Variants in TMEM132D observed in about 807,000 individuals in gnomAD.
The protein encoded by TMEM132D is transmembrane protein 132D.
Under a neutral mutation model 62.3 loss-of-function variants are expected in TMEM132D, and 21 were observed. The ratio of observed to expected loss-of-function variants is 0.34; its 90% CI spans 0.24 to 0.49. The LOEUF (loss-of-function observed/expected upper bound fraction) is 0.49. Ranked by LOEUF, TMEM132D falls within the 20% of genes least tolerant of loss-of-function variation. The pLI, the probability that TMEM132D is intolerant of heterozygous loss-of-function variation, is 0.99. For synonymous variants in TMEM132D, 621 were observed against 575.6 expected (o/e 1.08, Z -1.13); for missense variants, 1,346 against 1,402.8 (o/e 0.96, Z 0.65).
chr12:129,509,186 C>G (rs1875427828), intron 3 of TMEM132D, among the ~76,000 whole-genome samples: 1 of 152,168 alleles, frequency 6.6e-6, no homozygotes, highest in Admixed American at 6.5e-5. Context: ...AACTTGTTCT[C>G]TCCTACTTTT....
At chr12:129,674,499 A>C (rs1182785286) in intron 2 of TMEM132D, among the ~76,000 whole-genome samples, 1 of 152,186 alleles carries the variant, frequency 6.6e-6, no homozygotes, top group Non-Finnish European at 1.5e-5. Flanking sequence ...TTTTGGTTTA[A>C]AAAATGTATC....
intron 4 of TMEM132D, among the ~76,000 whole-genome samples, chr12:129,238,473 A>AATGTTT (rs1250498025): frequency 6.6e-6 from 1 of 152,154 alleles, no homozygotes; most frequent in African/African-American, 2.4e-5. Context: ...ATTAAACAAC[A>AATGTTT]ACTTCCCTTT....
At chr12:129,644,591 C>T (rs532077055) in intron 2 of TMEM132D, among the ~76,000 whole-genome samples, 2 of 151,958 alleles carry the variant, frequency 1.3e-5, no homozygotes, top group African/African-American at 2.4e-5. Context: ...TTTACAGTGC[C>T]GTTACAACAA....
intron 3 of TMEM132D, among the ~76,000 whole-genome samples, chr12:129,394,986 A>C (rs1184992832): frequency 6.6e-6 from 1 of 152,232 alleles, no homozygotes; most frequent in Non-Finnish European, 1.5e-5. Flanking sequence ...AATGTAAATT[A>C]TGCTTTGATA....
At chr12:129,838,120 T>C (rs1193950257) in intron 1 of TMEM132D, among the ~76,000 whole-genome samples, 7 of 152,306 alleles carry the variant, frequency 4.6e-5, no homozygotes, top group Non-Finnish European at 2.9e-5. Context: ...CTCTCTCCAT[T>C]ACACAAACTG....
intron 1 of TMEM132D, among the ~76,000 whole-genome samples, chr12:129,762,863 T>C (rs1397040230): frequency 1.3e-5 from 2 of 152,178 alleles, no homozygotes; most frequent in African/African-American, 4.8e-5. Flanking sequence ...GCAAACTCGC[T>C]AGGGTGGGTG....
chr12:129,330,246 C>T (rs762099308), intron 4 of TMEM132D, among the ~76,000 whole-genome samples: 1 of 152,156 alleles, frequency 6.6e-6, no homozygotes, highest in Non-Finnish European at 1.5e-5. Context: ...GTTATGGAGT[C>T]CCCTACTCAT....
At chr12:129,394,741 A>G (rs1035046568) in intron 3 of TMEM132D, among the ~76,000 whole-genome samples, 7 of 152,366 alleles carry the variant, frequency 4.6e-5, no homozygotes, top group African/African-American at 1.7e-4. Context: ...ATCGCATTAA[A>G]AAGACCACAT....
intron 5 of TMEM132D, among the ~76,000 whole-genome samples, chr12:129,133,324 T>G (rs914512098): frequency 5.3e-5 from 8 of 152,240 alleles, no homozygotes; most frequent in African/African-American, 1.7e-4. Flanking sequence ...TGAACAGCAA[T>G]TCCCCATCTT....
chr12:129,610,606 C>T (rs2137150841), intron 2 of TMEM132D, among the ~76,000 whole-genome samples: 1 of 152,236 alleles, frequency 6.6e-6, no homozygotes, highest in South Asian at 2.1e-4. Flanking sequence ...CACCGTCCAG[C>T]CAACTGGCTG....
intron 1 of TMEM132D, among the ~76,000 whole-genome samples, chr12:129,710,213 G>T (rs1409428867): frequency 3.9e-5 from 6 of 152,120 alleles, no homozygotes; most frequent in Non-Finnish European, 1.5e-5. Flanking sequence ...GGGATTTGGG[G>T]TGTTAATTTT....
chr12:129,751,507 C>G (rs7307926), intron 1 of TMEM132D, among the ~76,000 whole-genome samples: 5 of 150,648 alleles, frequency 3.3e-5, no homozygotes, highest in Non-Finnish European at 7.4e-5. Context: ...TTTCCTGTGT[C>G]GCCCCCACCA....
chr12:129,670,176 C>T (rs1222379830), intron 2 of TMEM132D, among the ~76,000 whole-genome samples: 1 of 152,158 alleles, frequency 6.6e-6, no homozygotes, highest in Non-Finnish European at 1.5e-5. Flanking sequence ...TCCAAGCTGT[C>T]CTTGTTCATT....
At position 129,476,405 on chromosome 12, in the gene TMEM132D, G is replaced by C. The variant is rs181999799; in HGVS notation, c.1115+54654C>G. ...ACAGCCATATTTAAATATCATTGCG[G>C]ACCCACTGCACGTATGCCAAGTGAC... On this transcript the variant is annotated intron_variant, in intron 3 of 8. Coordinates refer to ENST00000422113, the MANE Select transcript of TMEM132D (RefSeq NM_133448.3). Among the ~76,000 whole-genome samples the C allele has an allele frequency of 1.2e-3, 179 of 152,272 alleles. 1 individual carries two copies. The highest frequency in any genetic ancestry group is 4.1e-3 in the African/African-American group (169 of 41,548).
Position 129,803,788 on chromosome 12 carries a change from G to A in TMEM132D, c.79+99473C>T, listed in dbSNP as rs1400063734. ...AAAGGATCAACAAAATAGATAGACC[G>A]CTAGCAAGACTAATAAAGAAAAAAA... is the stretch of plus-strand genomic sequence containing the variant. On this transcript the variant is annotated intron_variant, in intron 1 of 8. Transcript: ENST00000422113. Among the ~76,000 whole-genome samples, 1,091 of 151,528 alleles carry A rather than the reference G, an allele frequency of 7.2e-3. 40 individuals carry two copies. In the South Asian group the frequency reaches 0.075, roughly 10 times the overall value.
intron 5 of TMEM132D, among the ~76,000 whole-genome samples, chr12:129,167,164 A>C: frequency 1.8e-5 from 2 of 110,804 alleles, no homozygotes; most frequent in South Asian, 6.9e-4. Flanking sequence ...TGTTTAAAAA[A>C]AAAAAACAAA....
chr12:129,104,960 T>A (rs1565965431), intron 5 of TMEM132D, among the ~76,000 whole-genome samples: 1 of 147,830 alleles, frequency 6.8e-6, no homozygotes, highest in South Asian at 2.1e-4. Flanking sequence ...GTAAACTAGT[T>A]CAACCATTGT....
intron 2 of TMEM132D, among the ~76,000 whole-genome samples, chr12:129,650,314 G>A (rs1879895198): frequency 6.6e-6 from 1 of 152,074 alleles, no homozygotes; most frequent in Non-Finnish European, 1.5e-5. Flanking sequence ...TGCTACCATA[G>A]AATACATATG....
intron 2 of TMEM132D, among the ~76,000 whole-genome samples, chr12:129,593,293 A>G (rs528399829): frequency 1.5e-3 from 227 of 152,308 alleles, no homozygotes; most frequent in South Asian, 3.3e-3. Flanking sequence ...ACTTTCTTCA[A>G]TGGCATCCTG....
Sources: gnomAD v4.1 joint callset for allele counts (sites outside exome capture counted in the v4.1 genomes callset) on GRCh38, gnomAD v4.1.1 for gene constraint, MANE v1.5 for transcripts, NCBI Gene and HGNC (gene_info 2026-07-23, HGNC 2026-07-21) for gene names.